Variants in LMO7 observed in about 807,000 individuals in gnomAD.
LMO7 encodes the protein LIM domain only protein 7.
LMO7 carries 120 observed loss-of-function variants against 206.5 expected under a neutral mutation model. The ratio of observed to expected loss-of-function variants is 0.58; its 90% CI spans 0.50 to 0.68. LMO7 has a LOEUF of 0.68. Ranked by LOEUF, LMO7 falls within the 30% of genes least tolerant of loss-of-function variation. The pLI is 0.00. For missense variants in LMO7, 1,959 were observed against 1,957.9 expected (o/e 1.00, Z -0.01); for synonymous variants, 706 against 681.5 (o/e 1.04, Z -0.56).
At chr13:75,693,461 CA>C (rs1477824573) in intron 1 of LMO7, among the ~76,000 whole-genome samples, 5 of 152,168 alleles carry the variant, frequency 3.3e-5, no homozygotes, top group African/African-American at 9.7e-5. Flanking sequence ...GGCTCTGCTT[CA>C]GGCTGGGGTG....
intron 1 of LMO7, among the ~76,000 whole-genome samples, chr13:75,696,183 T>G (rs1207974076): frequency 6.6e-6 from 1 of 152,114 alleles, no homozygotes; most frequent in African/African-American, 2.4e-5. Flanking sequence ...GGTGAAACCC[T>G]GTCTCTACTA....
intron 1 of LMO7, among the ~76,000 whole-genome samples, chr13:75,641,290 T>C (rs1398962485): frequency 6.6e-6 from 1 of 152,196 alleles, no homozygotes; most frequent in African/African-American, 2.4e-5. Context: ...TTTGGCCTTT[T>C]TTAACTTGTC....
chr13:75,856,430 C>T lies in LMO7; in HGVS notation c.4771-76C>T, dbSNP rs1595573102. 7.9e-5 allele frequency: 54 copies of T among 684,094 alleles called. 1 individual carries two copies. Among genetic ancestry groups the T allele is most frequent in the Middle Eastern group, 5.9e-4 (2 of 3,416 alleles). 42.4% of individuals were successfully genotyped at this position (684,094 alleles called of 1,614,324 possible). ...CTTAGAAGTAGCATTCTGCTCATTT[C>T]CCCCCCACCCCCAGGAGTGCCCCAA... is the stretch of plus-strand genomic sequence containing the variant. On this transcript the variant is annotated intron_variant, in intron 29 of 30. Transcript: ENST00000377534.
intron 1 of LMO7, chr13:75,688,879 A>G (rs1001846088): frequency 6.6e-6 from 1 of 152,084 alleles, no homozygotes; most frequent in Admixed American, 6.5e-5. Context: ...TTATTTAATG[A>G]TCATTCCCTA....
chr13:75,689,499 G>T (rs1383240949), intron 1 of LMO7, among the ~76,000 whole-genome samples: 2 of 152,156 alleles, frequency 1.3e-5, no homozygotes, highest in Non-Finnish European at 2.9e-5. Flanking sequence ...GTATTGTGTT[G>T]GGCGTGTCTG....
chr13:75,801,529 G>A (rs923420582), intron 7 of LMO7, among the ~76,000 whole-genome samples: 3 of 152,136 alleles, frequency 2.0e-5, no homozygotes, highest in East Asian at 3.8e-4. Context: ...ATTCTGTTGC[G>A]GGAAGGAACC....
chr13:75,804,264 G>A (rs1371924448), intron 7 of LMO7, 25 bp from the exon 8 acceptor site: 16 of 1,602,712 alleles, frequency 1.0e-5, no homozygotes, highest in Non-Finnish European at 1.1e-5. Flanking sequence ...GGAGAGTAAA[G>A]CAAATTCTTG....
At chr13:75,765,050 C>T (rs1430649084) in intron 4 of LMO7, among the ~76,000 whole-genome samples, 1 of 152,070 alleles carries the variant, frequency 6.6e-6, no homozygotes, top group East Asian at 1.9e-4. Flanking sequence ...ATATTCCCAT[C>T]AGGAAAATAA....
intron 15 of LMO7, among the ~76,000 whole-genome samples, chr13:75,825,987 C>G (rs1030387574): frequency 1.3e-5 from 2 of 152,038 alleles, no homozygotes; most frequent in African/African-American, 4.8e-5. Context: ...TCTCTTCCTC[C>G]AGACTCCCCC....
At chr13:75,664,405 A>G (rs1049519716) in intron 1 of LMO7, among the ~76,000 whole-genome samples, 2 of 151,978 alleles carry the variant, frequency 1.3e-5, no homozygotes, top group East Asian at 1.9e-4. Context: ...GTAAGTACCA[A>G]TTTTTTTTAT....
chr13:75,749,361 T>C (rs1190151488), intron 3 of LMO7, among the ~76,000 whole-genome samples: 1 of 152,238 alleles, frequency 6.6e-6, no homozygotes, highest in Non-Finnish European at 1.5e-5. Context: ...AACTTGAGAA[T>C]GGAACTTAAG....
chr13:75,698,980 C>T (rs2042089671), intron 1 of LMO7, among the ~76,000 whole-genome samples: 1 of 152,296 alleles, frequency 6.6e-6, no homozygotes, highest in East Asian at 1.9e-4. Context: ...TTCTCTCTCT[C>T]CCCTAGCCCC....
intron 1 of LMO7, among the ~76,000 whole-genome samples, chr13:75,637,200 G>C (rs1489010928): frequency 6.6e-6 from 1 of 151,240 alleles, no homozygotes; most frequent in Non-Finnish European, 1.5e-5. Flanking sequence ...AAAGAAGGGT[G>C]GGTGGGAGGG....
At chr13:75,647,634 G>T (rs1243615208) in intron 1 of LMO7, among the ~76,000 whole-genome samples, 2 of 152,064 alleles carry the variant, frequency 1.3e-5, no homozygotes, top group East Asian at 3.9e-4. Context: ...TGCAGTTTGA[G>T]CATGGTCTGT....
At chr13:75,804,652 G>C (rs2055204551) in intron 8 of LMO7, 111 bp downstream of exon 8, 1 of 1,290,980 alleles carries the variant, frequency 7.7e-7, no homozygotes. Context: ...CATATATTAA[G>C]CTTGACTAGT....
At chr13:75,735,555 G>A (rs2045736476) in intron 3 of LMO7, among the ~76,000 whole-genome samples, 1 of 152,126 alleles carries the variant, frequency 6.6e-6, no homozygotes, top group African/African-American at 2.4e-5. Context: ...TCCGCCTTCT[G>A]GGTTGAAGCG....
rs930517794 is a variant in LMO7 at position 75,698,588 on chromosome 13, CA to C, written c.70-14590del. On this transcript the variant is annotated intron_variant, in intron 1 of 30. Transcript: ENST00000377534. ...ACAGATGTGAGACATTTCATCTGGC[CA>C]AAATATATTTAAGTTTTTTTTTTTT... Among the ~76,000 whole-genome samples, 311 of 149,704 alleles carry C rather than the reference CA, an allele frequency of 2.1e-3. 6 individuals carry two copies. Among genetic ancestry groups the C allele is most frequent in the Non-Finnish European group, 3.3e-4 (22 of 67,496 alleles).
intron 1 of LMO7, among the ~76,000 whole-genome samples, chr13:75,706,368 T>G (rs2042652533): frequency 6.6e-6 from 1 of 152,190 alleles, no homozygotes; most frequent in Non-Finnish European, 1.5e-5. Context: ...TTGTTTTATT[T>G]TAGGGGGAGT....
At chr13:75,627,287 G>A (rs1006141046) in intron 2 of LMO7, 2 of 152,078 alleles carry the variant, frequency 1.3e-5, no homozygotes, top group Non-Finnish European at 2.9e-5. Context: ...TATAAAATAG[G>A]CTTTGCATTA....
Sources: allele counts gnomAD v4.1 joint callset (sites outside exome capture counted in the v4.1 genomes callset), GRCh38; gene constraint gnomAD v4.1.1; transcripts MANE v1.5; gene names NCBI Gene and HGNC (gene_info 2026-07-23, HGNC 2026-07-21).